The following ZBTB21 variants were observed in gnomAD, a reference collection of about 807,000 sequenced individuals.
ZBTB21 encodes zinc finger and BTB domain-containing protein 21.
ZBTB21 carries 10 observed loss-of-function variants against 39.8 expected under a neutral mutation model. That is an observed-to-expected ratio of 0.25 (90% CI 0.16 to 0.43). ZBTB21 has a LOEUF of 0.43. Ranked by LOEUF, ZBTB21 falls within the 20% of genes least tolerant of loss-of-function variation. The probability of loss-of-function intolerance (pLI) is 1.00; values close to 1 mark genes in which losing one functional copy is unlikely to be tolerated. For missense variants in ZBTB21, 1,221 were observed against 1,296.3 expected, an observed-to-expected ratio of 0.94 and a Z score of 0.89; for synonymous variants, 551 against 498.8, an observed-to-expected ratio of 1.10 and a Z score of -1.40.
In ZBTB21 at chr21:41,987,695, G is replaced by C. The variant is rs577862644; in HGVS notation, c.*3200C>G. Reference sequence around the variant, plus strand: ...AATAATTTTACTTCCTGAAGTTCCAGATTACAGTTGTATACACACATGCAT... The same window carrying C: ...AATAATTTTACTTCCTGAAGTTCCACATTACAGTTGTATACACACATGCAT... On this transcript the variant is annotated 3_prime_UTR_variant, in exon 3 of 3. Transcript: ENST00000310826. The C allele has an allele frequency of 1.3e-5, 2 of 152,124 alleles. No individual in the cohort carries two copies. The highest frequency in any genetic ancestry group is 4.8e-5 in the African/African-American group (2 of 41,428). The allele number at this position is 152,124 out of a possible 1,614,324, so 9.4% of individuals were successfully genotyped here. A position where few individuals can be genotyped will look rare whatever the true frequency, so the allele number is the denominator to read the frequency against.
chr21:41,998,207 T>C (rs1203398427), intron 2 of ZBTB21, among the ~76,000 whole-genome samples: 1 of 151,550 alleles, frequency 6.6e-6, no homozygotes, highest in African/African-American at 2.4e-5. Context: ...TTTTTTTTTT[T>C]TCTAGACAGG....
rs915371048 is a variant in ZBTB21 at position 41,987,575 on chromosome 21, G to A, written c.*3320C>T. On this transcript the variant is annotated 3_prime_UTR_variant, in exon 3 of 3. Transcript: ENST00000310826. ...ATTGCAGAAACATCACTGAGACATC[G>A]TAAATTGTCAAACTGACTTGTAATC... The A allele has an allele frequency of 3.3e-5, 5 of 152,212 alleles. No homozygotes were observed. In the South Asian group the frequency reaches 6.2e-4, roughly 19 times the overall value. 9.4% of individuals were successfully genotyped at this position (152,212 alleles called of 1,614,324 possible). A position where few individuals can be genotyped will look rare whatever the true frequency, so the allele number is the denominator to read the frequency against.
chr21:41,998,064 G>T (rs2065772318), intron 2 of ZBTB21, among the ~76,000 whole-genome samples: 1 of 152,116 alleles, frequency 6.6e-6, no homozygotes, highest in Non-Finnish European at 1.5e-5. Context: ...CAGTATCAAA[G>T]AAAGTGGGCA....
chr21:42,009,820 G>C (rs1380308719), intron 1 of ZBTB21, among the ~76,000 whole-genome samples: 1 of 152,054 alleles, frequency 6.6e-6, no homozygotes, highest in South Asian at 2.1e-4. Context: ...GGCCCGGGCC[G>C]CCGGCCCCCA....
At position 41,992,810 on chromosome 21, in the gene ZBTB21, AT is replaced by A; in HGVS notation, c.1285del (p.Ile429Ter). On this transcript the variant is annotated frameshift_variant, in exon 3 of 3. Transcript: ENST00000310826. LOFTEE classifies it high-confidence loss of function. This position sits in a 1 kb window ranked among gnomAD's most constrained non-coding sequence, Gnocchi z 4.1. ...EGASPVTEVR[I>X]KTEPSSPLSD... ...CAGCGGGCTGCTGGGCTCAGTCTTTATGCGCACCTCAGTCACAGGGGAAGCT... is the reference window on the plus strand; with the variant it reads ...CAGCGGGCTGCTGGGCTCAGTCTTTAGCGCACCTCAGTCACAGGGGAAGCT... 6.2e-7 allele frequency: 1 copy of A among 1,614,118 alleles called. No homozygotes were observed. The highest frequency in any genetic ancestry group is 8.5e-7 in the Non-Finnish European group (1 of 1,180,038).
chr21:41,991,841 T>C lies in ZBTB21; in HGVS notation c.2255A>G (p.Tyr752Cys), dbSNP rs768750113. The change falls in exon 3 of 3, where the codon TAC becomes TGC. Residue 752 changes from tyrosine (Y) to cysteine (C), a missense_variant. Physicochemically the swap from Tyr to Cys is radical, Grantham distance 194 (BLOSUM62 -2). Transcript: ENST00000310826. The surrounding 1 kb of genome is among the most constrained non-coding windows in gnomAD (Gnocchi z 4.9). ...RLCRNAAVCP[Y>C]CSLRFFSPEL... The stretch of plus-strand genomic sequence containing the variant: ...GGGCGAGAAAAACCTGAGGCTGCAG[T>C]AAGGGCAGACGGCCGCGTTCCGGCA... 3 of 1,614,090 alleles carry C rather than the reference T, an allele frequency of 1.9e-6. No homozygotes were observed. The highest frequency in any genetic ancestry group is 2.5e-6 in the Non-Finnish European group (3 of 1,180,044).
rs555256432 is a variant in ZBTB21, at chr21:41,991,216, CAT to C, written c.2878_2879del (p.Met960ValfsTer10). 1.9e-6 allele frequency: 3 copies of C among 1,614,174 alleles called. No individual in the cohort carries two copies. The highest frequency in any genetic ancestry group is 2.5e-6 in the Non-Finnish European group (3 of 1,180,022). On this transcript the variant is annotated frameshift_variant, in exon 3 of 3. Transcript: ENST00000310826. LOFTEE classifies it high-confidence loss of function. This position sits in a 1 kb window ranked among gnomAD's most constrained non-coding sequence, Gnocchi z 4.9. ...GTGCCGATTCCTCTGAAGCCTGAGACATGTGCGATTGGAAGTGACTCCAGAGT... is the reference window on the plus strand; with the variant it reads ...GTGCCGATTCCTCTGAAGCCTGAGACGTGCGATTGGAAGTGACTCCAGAGT... ...FRLWSHFQSH[M>X]SQASEESAHK...
intron 2 of ZBTB21, among the ~76,000 whole-genome samples, chr21:41,999,629 TACA>T (rs1016588683): frequency 2.0e-5 from 3 of 152,240 alleles, no homozygotes; most frequent in Admixed American, 2.0e-4. Flanking sequence ...TACAGGAACC[TACA>T]CTACAAACTA....
Position 41,990,394 on chromosome 21 carries a change from T to G in ZBTB21, c.*501A>C, listed in dbSNP as rs1234164918. On this transcript the variant is annotated 3_prime_UTR_variant, in exon 3 of 3. Coordinates refer to ENST00000310826, the MANE Select transcript of ZBTB21 (RefSeq NM_001098402.2). ...TTTATCAAGTGTCAGGATAACTTAT[T>G]AAAGTTGAGATTTATCTTTTATTGC... The G allele has an allele frequency of 2.0e-5, 3 of 152,668 alleles. No individual in the cohort carries two copies. The highest frequency in any genetic ancestry group is 1.3e-4 in the Admixed American group (2 of 15,286). 9.5% of individuals were successfully genotyped at this position (152,668 alleles called of 1,614,324 possible).
intron 2 of ZBTB21, among the ~76,000 whole-genome samples, chr21:41,997,966 C>T (rs2065771217): frequency 6.6e-6 from 1 of 152,052 alleles, no homozygotes; most frequent in African/African-American, 2.4e-5. Flanking sequence ...CCTCCTCTTG[C>T]AGGGTTGTTG....
chr21:42,007,993 T>C (rs563962922), intron 1 of ZBTB21: 1 of 152,192 alleles, frequency 6.6e-6, no homozygotes, highest in East Asian at 1.9e-4. Flanking sequence ...TCCATCACAG[T>C]ATATCCTCAG....
Position 41,992,183 on chromosome 21 carries a change from TTAA to T in ZBTB21, c.1910_1912del (p.Ile637del). 1 of 1,614,192 alleles carries T rather than the reference TTAA, an allele frequency of 6.2e-7. No individual in the cohort carries two copies. ...AAAACCAGGCTTGCCGCGCCTTAAC[TTAA>T]TGATCAGGGCCTTCTTAATTTCTCT... On this transcript the variant is annotated inframe_deletion, in exon 3 of 3. Coordinates refer to ENST00000310826, the MANE Select transcript of ZBTB21 (RefSeq NM_001098402.2). This position sits in a 1 kb window ranked among gnomAD's most constrained non-coding sequence, Gnocchi z 4.1.
rs374211935 is a variant in ZBTB21 at position 41,991,313 on chromosome 21, T to C, written c.2783A>G (p.Gln928Arg). ...TGGTTTCACAGAGCACAGAAGCTCC[T>C]GGTGACGCTCCAGCTGCTTATGCAC... ...FTVHKQLERH[Q>R]ELLCSVKPFI... Residue 928 changes from glutamine (Q) to arginine (R), a missense_variant, in exon 3 of 3, where the codon CAG becomes CGG. Physicochemically the swap from Gln to Arg is conservative, Grantham distance 43. This residue lies in a region of ZBTB21 where 523 missense variants were observed against 542.5 expected (regional missense o/e 0.96). Coordinates refer to ENST00000310826, the MANE Select transcript of ZBTB21 (RefSeq NM_001098402.2). This position sits in a 1 kb window ranked among gnomAD's most constrained non-coding sequence, Gnocchi z 4.9. The C allele has an allele frequency of 3.7e-6, 6 of 1,611,410 alleles. No individual in the cohort carries two copies. The highest frequency in any genetic ancestry group is 2.2e-5 in the East Asian group (1 of 44,888).
Position 41,993,556 on chromosome 21 carries a change from A to C in ZBTB21, c.540T>G (p.Ile180Met). ...GCTTATTGGTATTGGCCTTGACTGC[A>C]ATGCTAGGAGAGGGCCGGGAAGTAT... ...VSHTSRPSPS[I>M]AVKANTNKPH... The change falls in exon 3 of 3, where the codon ATT (isoleucine) becomes ATG (methionine). Residue 180 changes from isoleucine (I) to methionine (M), a missense_variant. Ile to Met is a conservative substitution (Grantham distance 10). Around this residue, in one of 4 missense-constraint regions of ZBTB21, gnomAD observed 500 missense variants for 465.6 expected, o/e 1.07. Transcript: ENST00000310826. 6.2e-7 allele frequency: 1 copy of C among 1,614,262 alleles called. No individual in the cohort carries two copies. The highest frequency in any genetic ancestry group is 8.5e-7 in the Non-Finnish European group (1 of 1,180,042).
Position 41,992,559 on chromosome 21 carries a change from C to T in ZBTB21, c.1537G>A (p.Glu513Lys), listed in dbSNP as rs761608135. 1.2e-5 allele frequency: 20 copies of T among 1,614,060 alleles called. No homozygotes were observed. The highest frequency in any genetic ancestry group is 3.3e-5 in the Admixed American group (2 of 60,004). Residue 513 changes from glutamate to lysine, a missense_variant, in exon 3 of 3, where the codon GAA becomes AAA. By Grantham distance (56) the Glu-to-Lys change is moderately conservative (BLOSUM62 1). Coordinates refer to ENST00000310826, the MANE Select transcript of ZBTB21 (RefSeq NM_001098402.2). This position sits in a 1 kb window ranked among gnomAD's most constrained non-coding sequence, Gnocchi z 4.1. ...TCAAGGAGAGTAGGGCTTGAGCCTT[C>T]CTCAAAATTATCTTCTGACACAGGA... ...GSPVSEDNFE[E>K]GSSPTLLDAD...
At chr21:42,005,761 T>G (rs927471189) in intron 1 of ZBTB21, among the ~76,000 whole-genome samples, 1 of 152,236 alleles carries the variant, frequency 6.6e-6, no homozygotes, top group African/African-American at 2.4e-5. Flanking sequence ...TGAATTCCAA[T>G]TCTGTACAAG....
chr21:41,995,837 G>A (rs1416892949), intron 2 of ZBTB21, among the ~76,000 whole-genome samples: 1 of 152,256 alleles, frequency 6.6e-6, no homozygotes, highest in Non-Finnish European at 1.5e-5. Context: ...CTGTGTCCCA[G>A]GTGCTCTAGC....
At position 41,991,033 on chromosome 21, in the gene ZBTB21, G is replaced by A; in HGVS notation, c.3063C>T (p.Pro1021=). The change falls in exon 3 of 3, where the codon CCC becomes CCT. Residue 1021 remains proline, a synonymous_variant. Coordinates refer to ENST00000310826, the MANE Select transcript of ZBTB21 (RefSeq NM_001098402.2). This position sits in a 1 kb window ranked among gnomAD's most constrained non-coding sequence, Gnocchi z 4.9. ...GGTAAAAAAGGGTGTCTGATTCTTG[G>A]GGCACAAACAGTTTTTCTGTGGCTG... ...PTPATEKLFV[P]QESDTLFYHA... is the part of the protein sequence containing the mutation. The A allele has an allele frequency of 1.9e-6, 3 of 1,581,540 alleles. No individual in the cohort carries two copies. The highest frequency in any genetic ancestry group is 2.6e-6 in the Non-Finnish European group (3 of 1,165,114).
intron 1 of ZBTB21, chr21:42,009,424 G>C (rs1403459798): frequency 6.6e-6 from 1 of 152,250 alleles, no homozygotes; most frequent in East Asian, 1.9e-4. Context: ...CTCTAAGGCC[G>C]GCACGGGTGG....
Sources: gnomAD v4.1 joint callset for allele counts (sites outside exome capture counted in the v4.1 genomes callset) on GRCh38, gnomAD v4.1.1 for gene constraint, gnomAD v4.1.1 regional missense constraint, Gnocchi (gnomAD v3.1) non-coding constraint, MANE v1.5 for transcripts, NCBI Gene and HGNC (gene_info 2026-07-23, HGNC 2026-07-21) for gene names.